The following TBC1D14 variants were observed in gnomAD, a reference collection of about 807,000 sequenced individuals.
TBC1D14 encodes the protein TBC1 domain family member 14.
TBC1D14 carries 26 observed loss-of-function variants against 79.0 expected under a neutral mutation model. The ratio of observed to expected loss-of-function variants is 0.33; its 90% CI spans 0.24 to 0.46. The LOEUF (loss-of-function observed/expected upper bound fraction) is 0.46. Among genes scored for constraint, TBC1D14 ranks in the 20% least tolerant of loss-of-function variants. TBC1D14 has a pLI of 1.00. For synonymous variants in TBC1D14, 394 were observed against 349.9 expected (o/e 1.13, Z -1.40); for missense variants, 769 against 887.6 (o/e 0.87, Z 1.70).
chr4:7,025,148 C>T lies in TBC1D14; in HGVS notation c.1902C>T (p.Asp634=). The T allele has an allele frequency of 6.2e-7, 1 of 1,614,242 alleles. No homozygotes were observed. Among genetic ancestry groups the T allele is most frequent in the Non-Finnish European group, 8.5e-7 (1 of 1,180,034 alleles). ...TCGAGGACATCCTGACCAAGATGGA[C>T]TTCATTCACATGGCCCAGTTCCTGA... ...KLFEDILTKM[D]FIHMAQFLTR... Residue 634 remains aspartate, a synonymous_variant, in exon 13 of 14, where the codon GAC becomes GAT. Transcript: ENST00000409757.
intron 12 of TBC1D14, 40 bp downstream of exon 12, chr4:7,014,597 A>G (rs202116572): frequency 1.4e-6 from 2 of 1,400,574 alleles, no homozygotes; most frequent in Admixed American, 1.7e-5. Flanking sequence ...AGCATTTCTC[A>G]GCCCTTGTCT....
chr4:7,016,037 T>C (rs917274076), intron 12 of TBC1D14, among the ~76,000 whole-genome samples: 1 of 152,200 alleles, frequency 6.6e-6, no homozygotes, highest in Non-Finnish European at 1.5e-5. Context: ...GAAGGTAAAA[T>C]TCAAGTATCA....
chr4:7,017,531 G>A (rs1721405814), intron 12 of TBC1D14, among the ~76,000 whole-genome samples: 4 of 152,144 alleles, frequency 2.6e-5, no homozygotes, highest in Admixed American at 2.6e-4. Context: ...GTCGAGTGTA[G>A]AACCTGGGTT....
chr4:6,960,861 C>T (rs996827741), intron 2 of TBC1D14, among the ~76,000 whole-genome samples: 5 of 152,200 alleles, frequency 3.3e-5, no homozygotes, highest in African/African-American at 9.6e-5. Context: ...GTGAAAGACC[C>T]TGGTAACAGT....
intron 2 of TBC1D14, among the ~76,000 whole-genome samples, chr4:6,930,217 C>G (rs1474566080): frequency 6.6e-6 from 1 of 152,156 alleles, no homozygotes; most frequent in African/African-American, 2.4e-5. Context: ...GGTGGGAAGA[C>G]GGTTGGAGAA....
intron 3 of TBC1D14, among the ~76,000 whole-genome samples, chr4:6,976,190 A>G (rs1716699294): frequency 6.6e-6 from 1 of 152,226 alleles, no homozygotes; most frequent in Non-Finnish European, 1.5e-5. Flanking sequence ...GGGCAGTACT[A>G]AAAAGTATAA....
At chr4:6,932,073 G>C (rs1711802447) in intron 2 of TBC1D14, among the ~76,000 whole-genome samples, 1 of 152,060 alleles carries the variant, frequency 6.6e-6, no homozygotes, top group Non-Finnish European at 1.5e-5. Context: ...GCAAAGACTT[G>C]AAGGTGGCCA....
intron 3 of TBC1D14, among the ~76,000 whole-genome samples, chr4:6,976,981 T>C (rs1716765674): frequency 6.7e-6 from 1 of 149,696 alleles, no homozygotes; most frequent in South Asian, 2.1e-4. Context: ...AAATAAATAG[T>C]TGAGTTCCCC....
chr4:6,910,427 A>T (rs1032066502), intron 1 of TBC1D14: 1 of 147,932 alleles, frequency 6.8e-6, no homozygotes, highest in South Asian at 2.3e-4. Context: ...GGAGCCCCTG[A>T]CCCGCGAAAC....
chr4:7,002,408 G>A (rs1376178829), intron 7 of TBC1D14, among the ~76,000 whole-genome samples: 2 of 152,198 alleles, frequency 1.3e-5, no homozygotes, highest in Non-Finnish European at 2.9e-5. Flanking sequence ...TTGTGTGTGT[G>A]TTTAATTTTT....
chr4:6,958,216 G>C (rs1316375597), intron 2 of TBC1D14, among the ~76,000 whole-genome samples: 1 of 152,158 alleles, frequency 6.6e-6, no homozygotes, highest in Non-Finnish European at 1.5e-5. Context: ...CCAGCCCACA[G>C]TTAGAGCCGG....
At chr4:7,011,727 T>A (rs1258167015) in intron 11 of TBC1D14, among the ~76,000 whole-genome samples, 2 of 151,762 alleles carry the variant, frequency 1.3e-5, no homozygotes, top group African/African-American at 4.8e-5. Flanking sequence ...AGGCTAATTT[T>A]TTGTATTTTT....
At chr4:6,994,351 A>G in intron 4 of TBC1D14, 49 bp downstream of exon 4, 2 of 1,540,596 alleles carry the variant, frequency 1.3e-6, no homozygotes, top group Non-Finnish European at 9.0e-7. Flanking sequence ...GGAAATAAGT[A>G]CAACTTGCTA....
In TBC1D14 at chr4:6,959,318, T is replaced by G. The variant is rs1462862427; in HGVS notation, c.723-7986T>G. Among the ~76,000 whole-genome samples the G allele has an allele frequency of 4.6e-5, 7 of 152,300 alleles. No individual in the cohort carries two copies. In the East Asian group the frequency reaches 1.4e-3, roughly 29 times the overall value. The stretch of plus-strand genomic sequence containing the variant: ...AGGCCCTGCAGCAGGTGCTGGGTGC[T>G]TTCCTGGCTTTCTTTTTATCATATT... On this transcript the variant is annotated intron_variant, in intron 2 of 13. Transcript: ENST00000409757.
At chr4:6,917,873 T>A (rs1362708612) in intron 1 of TBC1D14, among the ~76,000 whole-genome samples, 3 of 152,194 alleles carry the variant, frequency 2.0e-5, no homozygotes, top group African/African-American at 7.2e-5. Flanking sequence ...TCTGCCCTAG[T>A]GGCACGAGGC....
chr4:6,912,799 A>G (rs1723108897), intron 1 of TBC1D14, among the ~76,000 whole-genome samples: 2 of 152,216 alleles, frequency 1.3e-5, no homozygotes, highest in South Asian at 4.1e-4. Context: ...TCAACTGCCT[A>G]ACAAGATAGG....
intron 2 of TBC1D14, among the ~76,000 whole-genome samples, chr4:6,940,440 C>T (rs971951877): frequency 2.0e-5 from 3 of 152,094 alleles, no homozygotes; most frequent in East Asian, 1.9e-4. Flanking sequence ...CTCAGGGCTC[C>T]GGGGAAGGGG....
Position 7,030,434 on chromosome 4 carries a change from A to G in TBC1D14, c.*42A>G. ...CGCACTCGGCACCAATCAGAGCCCC[A>G]TGCCGCGGCCCCTCTGTTGTTTCAG... On this transcript the variant is annotated 3_prime_UTR_variant, in exon 14 of 14. Transcript: ENST00000409757. 2 of 1,604,602 alleles carry G rather than the reference A, an allele frequency of 1.2e-6. No homozygotes were observed. Among genetic ancestry groups the G allele is most frequent in the Non-Finnish European group, 8.5e-7 (1 of 1,171,924 alleles).
chr4:6,942,970 A>G (rs964296054), intron 2 of TBC1D14, among the ~76,000 whole-genome samples: 1 of 152,202 alleles, frequency 6.6e-6, no homozygotes, highest in Non-Finnish European at 1.5e-5. Context: ...AGTTAGGTGG[A>G]TGAATGTTCG....
Sources: gnomAD v4.1 joint callset for allele counts (sites outside exome capture counted in the v4.1 genomes callset) on GRCh38, gnomAD v4.1.1 for gene constraint, MANE v1.5 for transcripts, NCBI Gene and HGNC (gene_info 2026-07-23, HGNC 2026-07-21) for gene names.